The following NEO1 variants were observed in gnomAD, a reference collection of about 807,000 sequenced individuals.
The protein encoded by NEO1 is neogenin 1.
NEO1 carries 63 observed loss-of-function variants against 159.7 expected under a neutral mutation model. The ratio of observed to expected loss-of-function variants is 0.39; its 90% CI spans 0.32 to 0.49. The LOEUF (loss-of-function observed/expected upper bound fraction) is 0.49. Among genes scored for constraint, NEO1 ranks in the 20% least tolerant of loss-of-function variants. NEO1 has a pLI of 0.85. For synonymous variants in NEO1, 633 were observed against 662.0 expected (o/e 0.96, Z 0.67); for missense variants, 1,615 against 1,831.0 (o/e 0.88, Z 2.15).
intron 1 of NEO1, among the ~76,000 whole-genome samples, chr15:73,068,231 C>CCCGG (rs55919404): frequency 1.7e-5 from 2 of 120,562 alleles, no homozygotes; most frequent in South Asian, 3.2e-4. Flanking sequence ...CTACCCCCCC[C>CCCGG]CCTTTTTTTT....
At chr15:73,212,597 C>T (rs773395939) in intron 7 of NEO1, among the ~76,000 whole-genome samples, 4 of 152,174 alleles carry the variant, frequency 2.6e-5, no homozygotes, top group Non-Finnish European at 2.9e-5. Flanking sequence ...TATTTGGCAT[C>T]ATTTCTCAGG....
chr15:73,094,628 A>G (rs569059902), intron 1 of NEO1, among the ~76,000 whole-genome samples: 2 of 152,314 alleles, frequency 1.3e-5, no homozygotes, highest in African/African-American at 4.8e-5. Context: ...CTTTTAAGTG[A>G]TAATTATCCC....
At chr15:73,132,212 C>A (rs1038137) in intron 4 of NEO1, among the ~76,000 whole-genome samples, 45,003 of 152,134 alleles carry the variant, frequency 0.3, 8,007 homozygotes, top group Admixed American at 0.43. Flanking sequence ...TCTCTCCTTA[C>A]CTTCTTTATC....
At chr15:73,256,329 G>A (rs541706552) in intron 13 of NEO1, among the ~76,000 whole-genome samples, 6 of 152,054 alleles carry the variant, frequency 3.9e-5, no homozygotes, top group South Asian at 4.2e-4. Flanking sequence ...GTGAAACCCC[G>A]TCTCTACTAA....
intron 7 of NEO1, among the ~76,000 whole-genome samples, chr15:73,213,313 G>C (rs1251950373): frequency 6.6e-6 from 1 of 152,010 alleles, no homozygotes; most frequent in Non-Finnish European, 1.5e-5. Context: ...GGGTACAGGT[G>C]GTATTTGGTT....
rs1031608688 is a variant in NEO1 at position 73,069,685 on chromosome 15, C to T, written c.130+16880C>T. ...ATATATACACATACGTATATATATA[C>T]GCACACACGCACATATAATAGATAT... On this transcript the variant is annotated intron_variant, in intron 1 of 28. Coordinates refer to ENST00000261908, the MANE Select transcript of NEO1 (RefSeq NM_002499.4). 4.6e-5 allele frequency among the ~76,000 whole-genome samples: 7 copies of T among 151,694 alleles called. No individual in the cohort carries two copies. In the East Asian group the frequency reaches 5.8e-4, roughly 13 times the overall value.
At chr15:73,151,902 G>C (rs142509007) in intron 5 of NEO1, among the ~76,000 whole-genome samples, 1 of 152,174 alleles carries the variant, frequency 6.6e-6, no homozygotes, top group Non-Finnish European at 1.5e-5. Flanking sequence ...CTCATGTGCT[G>C]TGAAATACCT....
intron 23 of NEO1, among the ~76,000 whole-genome samples, chr15:73,288,059 C>A (rs998389676): frequency 6.6e-6 from 1 of 152,026 alleles, no homozygotes; most frequent in African/African-American, 2.4e-5. Flanking sequence ...AAAGTAGTCA[C>A]AAGGCAGGAT....
rs762302964 is a variant in NEO1, at chr15:73,254,718, A to G, written c.1981A>G (p.Thr661Ala). The part of the protein sequence containing the change: ...MIHWQPPAPA[T>A]QNGQITGYKI... The stretch of plus-strand genomic sequence containing the variant: ...TCACTGGCAGCCACCTGCTCCAGCC[A>G]CACAAAATGGGCAGATTACTGGCTA... Residue 661 changes from threonine (T) to alanine (A), a missense_variant, in exon 13 of 29, where the codon ACA (threonine) becomes GCA (alanine). Thr to Ala is a moderately conservative substitution (Grantham distance 58). This residue lies in a region of NEO1 where 1,018 missense variants were observed against 1,115.4 expected (regional missense o/e 0.91). Coordinates refer to ENST00000261908, the MANE Select transcript of NEO1 (RefSeq NM_002499.4). 1 of 1,613,852 alleles carries G rather than the reference A, an allele frequency of 6.2e-7. No individual in the cohort carries two copies. Among genetic ancestry groups the G allele is most frequent in the East Asian group, 2.2e-5 (1 of 44,888 alleles).
chr15:73,115,412 A>G (rs908168946), intron 1 of NEO1, among the ~76,000 whole-genome samples: 12 of 152,198 alleles, frequency 7.9e-5, no homozygotes, highest in African/African-American at 2.9e-4. Context: ...GAATTTGTTT[A>G]TCATTGAAGT....
chr15:73,171,004 A>G (rs78561318), intron 5 of NEO1, among the ~76,000 whole-genome samples: 3,336 of 139,036 alleles, frequency 0.024, 47 homozygotes, highest in Non-Finnish European at 0.033. Flanking sequence ...GTCTCGGGGG[A>G]AAAAAAAAAA....
upstream of NEO1, chr15:73,052,412 G>GCCCCCCCCCCCCCCCC: frequency 6.2e-4 from 5 of 8,084 alleles, 1 homozygote; most frequent in Admixed American, 1.5e-3. Context: ...CCGACCCACC[G>GCCCCCCCCCCCCCCCC]CCCCCCCCCC....
rs1347285004 is a variant in NEO1 at position 73,270,214 on chromosome 15, C to T, written c.2699C>T (p.Pro900Leu). The T allele has an allele frequency of 6.2e-7, 1 of 1,614,192 alleles. No individual in the cohort carries two copies. The highest frequency in any genetic ancestry group is 8.5e-7 in the Non-Finnish European group (1 of 1,180,036). The stretch of plus-strand genomic sequence containing the variant: ...ACCGTCCGATGGAAAACCAACATCC[C>T]AGCAAACACCAAGTACAAGGTACTG... ...YYTVRWKTNIPANTKYKNANA... is the reference protein window; with the variant it reads ...YYTVRWKTNILANTKYKNANA... The change falls in exon 17 of 29, where the codon CCA becomes CTA. Residue 900 changes from proline to leucine, a missense_variant. Pro to Leu is a moderately conservative substitution (Grantham distance 98, BLOSUM62 -3). This residue lies in a region of NEO1 where 1,018 missense variants were observed against 1,115.4 expected (regional missense o/e 0.91). Transcript: ENST00000261908.
Position 73,188,051 on chromosome 15 carries a change from A to G in NEO1, c.1291+9624A>G, listed in dbSNP as rs538194167. ...TCAGTGAAGTCTGTCAGAATTTGCT[A>G]TATTTACTTCTTGCAAGATAACCCA... On this transcript the variant is annotated intron_variant, in intron 7 of 28. Coordinates refer to ENST00000261908, the MANE Select transcript of NEO1 (RefSeq NM_002499.4). 3.9e-5 allele frequency among the ~76,000 whole-genome samples: 6 copies of G among 152,272 alleles called. No individual in the cohort carries two copies. In the South Asian group the frequency reaches 1.0e-3, roughly 26 times the overall value.
rs555452014 is a variant in NEO1, at chr15:73,129,568, A to G, written c.878+2998A>G. Among the ~76,000 whole-genome samples the G allele has an allele frequency of 3.3e-5, 5 of 152,318 alleles. No individual in the cohort carries two copies. In the South Asian group the frequency reaches 6.2e-4, roughly 19 times the overall value. ...TTCAGATTTACAATAATCATCGCTA[A>G]TGAAAGAGGGGGGTGGAAATGGATC... On this transcript the variant is annotated intron_variant, in intron 4 of 28. Transcript: ENST00000261908.
chr15:73,267,928 A>T (rs2040989422), intron 16 of NEO1, among the ~76,000 whole-genome samples: 1 of 152,174 alleles, frequency 6.6e-6, no homozygotes, highest in South Asian at 2.1e-4. Context: ...TTGTCCAGTG[A>T]TATCTGCTGG....
chr15:73,185,821 T>A (rs2035888356), intron 7 of NEO1, among the ~76,000 whole-genome samples: 1 of 152,032 alleles, frequency 6.6e-6, no homozygotes, highest in Non-Finnish European at 1.5e-5. Context: ...GATGGGACAA[T>A]ATCAGAGGCT....
chr15:73,164,323 C>G (rs1204569082), intron 5 of NEO1, among the ~76,000 whole-genome samples: 5 of 151,670 alleles, frequency 3.3e-5, no homozygotes, highest in Non-Finnish European at 7.4e-5. Context: ...AGTCCATTCT[C>G]CTGTCTCAGC....
intron 5 of NEO1, among the ~76,000 whole-genome samples, chr15:73,151,408 G>A (rs1351106877): frequency 2.0e-5 from 3 of 152,092 alleles, no homozygotes; most frequent in Middle Eastern, 6.3e-3. Context: ...TTTCAAGCCT[G>A]TTTTACATGT....
Sources: allele counts gnomAD v4.1 joint callset (sites outside exome capture counted in the v4.1 genomes callset), GRCh38; gene constraint gnomAD v4.1.1; regional missense constraint gnomAD v4.1.1; transcripts MANE v1.5; gene names NCBI Gene and HGNC (gene_info 2026-07-23, HGNC 2026-07-21).